The following GOLGA8H variants were observed in gnomAD, a reference collection of about 807,000 sequenced individuals.
GOLGA8H encodes the protein golgin A8 family member H, also known as golgin subfamily A member 8H.
Under a neutral mutation model 82.7 loss-of-function variants are expected in GOLGA8H, and 47 were observed. The ratio of observed to expected loss-of-function variants is 0.57; its 90% CI spans 0.45 to 0.73. The LOEUF is 0.73. Ranked by LOEUF, GOLGA8H falls within the 30% of genes least tolerant of loss-of-function variation. The pLI, the probability that GOLGA8H is intolerant of heterozygous loss-of-function variation, is 0.00. For synonymous variants in GOLGA8H, 108 were observed against 241.6 expected (o/e 0.45, Z 5.13); for missense variants, 372 against 661.0 (o/e 0.56, Z 4.79).
At position 30,604,124 on chromosome 15, in the gene GOLGA8H, C is replaced by T. The variant is rs202193918; in HGVS notation, c.-2C>T. 403 of 1,518,022 alleles carry T rather than the reference C, an allele frequency of 2.7e-4. 2 individuals are homozygous for T. The highest frequency in any genetic ancestry group is 1.3e-3 in the Admixed American group (64 of 49,682). 94.0% of individuals were successfully genotyped at this position (1,518,022 alleles called of 1,614,324 possible). A position where few individuals can be genotyped will look rare whatever the true frequency, so the allele number is the denominator to read the frequency against. ...CAACCCTGCCTCCCTCCCCACCCTG[C>T]GATGGCAGAAGAAACTCAACACAAC... On this transcript the variant is annotated 5_prime_UTR_variant, in exon 1 of 19. Coordinates refer to ENST00000566740, the MANE Select transcript of GOLGA8H (RefSeq NM_001282490.2).
At position 30,609,830 on chromosome 15, in the gene GOLGA8H, A is replaced by T. The variant is rs772580832; in HGVS notation, c.616A>T (p.Thr206Ser). Residue 206 changes from threonine (T) to serine (S), a missense_variant, in exon 9 of 19, where the codon ACG becomes TCG. Physicochemically the swap from Thr to Ser is moderately conservative, Grantham distance 58. Coordinates refer to ENST00000566740, the MANE Select transcript of GOLGA8H (RefSeq NM_001282490.2). ...NQLSSRSKARTEWKLEQSMRE... is the reference protein window; with the variant it reads ...NQLSSRSKARSEWKLEQSMRE... The stretch of plus-strand genomic sequence containing the variant: ...GTTGTCCAGCCGCAGCAAAGCACGT[A>T]CGGAGTGGAAGTTAGAGCAGTCCAT... 3.1e-6 allele frequency: 5 copies of T among 1,591,976 alleles called. No homozygotes were observed. The highest frequency in any genetic ancestry group is 4.3e-6 in the Non-Finnish European group (5 of 1,165,920).
In GOLGA8H at chr15:30,610,059, G is replaced by C; in HGVS notation, c.739G>C (p.Gly247Arg). The C allele has an allele frequency of 2.5e-6, 4 of 1,611,438 alleles. No individual in the cohort carries two copies. Among genetic ancestry groups the C allele is most frequent in the Non-Finnish European group, 3.4e-6 (4 of 1,179,738 alleles). Residue 247 changes from glycine (G) to arginine (R), a missense_variant, in exon 10 of 19, where the codon GGA becomes CGA. Transcript: ENST00000566740. ...ERDECAEHLK[G>R]ERARWQQRMR... is the part of the protein sequence containing the mutation. Reference sequence around the variant, plus strand: ...AGATGAGTGTGCTGAACATCTAAAAGGAGAGAGGGCCCGGTGGCAGCAGAG... The same window carrying C: ...AGATGAGTGTGCTGAACATCTAAAACGAGAGAGGGCCCGGTGGCAGCAGAG...
chr15:30,612,478 G>C (rs1450506502), intron 13 of GOLGA8H, 119 bp from the exon 14 acceptor site: 1 of 1,276,218 alleles, frequency 7.8e-7, no homozygotes, highest in African/African-American at 1.5e-5. Context: ...GCAAAGCGGT[G>C]GCTGAGATGG....
intron 10 of GOLGA8H, 60 bp downstream of exon 10, chr15:30,610,166 C>A (rs1019491425): frequency 3.1e-6 from 5 of 1,605,674 alleles, no homozygotes; most frequent in Non-Finnish European, 4.3e-6. Flanking sequence ...TTCTGGGCAT[C>A]TGTAAAATGG....
At chr15:30,610,266 T>C in intron 10 of GOLGA8H, 36 bp from the exon 11 acceptor site, 1 of 880,344 alleles carries the variant, frequency 1.1e-6, no homozygotes, top group Non-Finnish European at 1.8e-6. Context: ...CTCCAGCCCC[T>C]CTCTCCAAGG....
rs2059896537 is a variant in GOLGA8H, at chr15:30,604,267, A to G, written c.48+94A>G. 7.4e-6 allele frequency: 11 copies of G among 1,485,696 alleles called. No homozygotes were observed. The South Asian group carries it at 1.3e-4, about 18-fold the overall frequency. The allele number at this position is 1,485,696 out of a possible 1,614,324, so 92.0% of individuals were successfully genotyped here. A position where few individuals can be genotyped will look rare whatever the true frequency, so the allele number is the denominator to read the frequency against. On this transcript the variant is annotated intron_variant, in intron 1 of 18. Transcript: ENST00000566740. ...AGAGTCTATACGACTCCTGAGGCACACTGGACTGGTCCCCCCTACCCCGGT... is the reference window on the plus strand; with the variant it reads ...AGAGTCTATACGACTCCTGAGGCACGCTGGACTGGTCCCCCCTACCCCGGT...
rs188845744 is a variant in GOLGA8H, at chr15:30,616,807, G to A, written c.*2246G>A. On this transcript the variant is annotated 3_prime_UTR_variant, in exon 19 of 19. Transcript: ENST00000566740. ...AAATTATTGCAAAGGTACTTTTATC[G>A]TTGAAATCACTTCACTTTTACCCTG... Among the ~76,000 whole-genome samples the A allele has an allele frequency of 1.1e-3, 160 of 150,238 alleles. 4 individuals are homozygous for A. Among genetic ancestry groups the A allele is most frequent in the African/African-American group, 2.2e-3 (91 of 40,578 alleles).
At chr15:30,605,707 T>C (rs1202866133) in intron 1 of GOLGA8H, 136 bp from the exon 2 acceptor site, 10 of 1,451,288 alleles carry the variant, frequency 6.9e-6, no homozygotes, top group Non-Finnish European at 9.2e-6. Flanking sequence ...ACTAAATGAG[T>C]GTGACAACAC....
At chr15:30,609,566 A>T (rs2059983206) in intron 8 of GOLGA8H, among the ~76,000 whole-genome samples, 1 of 150,718 alleles carries the variant, frequency 6.6e-6, no homozygotes, top group African/African-American at 2.5e-5. Flanking sequence ...AATAACAGTA[A>T]TAACAATAGC....
In GOLGA8H at chr15:30,610,119, C is replaced by T; in HGVS notation, c.786+13C>T. ...AATGTCGCAGGAGGTGAGATCTCAC[C>T]CTTCAGCCCCCCCACATTAGATAGG... On this transcript the variant is annotated intron_variant, in intron 10 of 18. Coordinates refer to ENST00000566740, the MANE Select transcript of GOLGA8H (RefSeq NM_001282490.2). 1.2e-6 allele frequency: 2 copies of T among 1,610,336 alleles called. No individual in the cohort carries two copies. The highest frequency in any genetic ancestry group is 1.7e-6 in the Non-Finnish European group (2 of 1,179,226).
At chr15:30,608,222 T>TAACAGG in intron 5 of GOLGA8H, 109 bp from the exon 6 acceptor site, 1 of 1,167,346 alleles carries the variant, frequency 8.6e-7, no homozygotes, top group Non-Finnish European at 1.2e-6. Flanking sequence ...GATAACCTGG[T>TAACAGG]CCCATGGGTG....
chr15:30,616,819 TCA>T lies in GOLGA8H; in HGVS notation c.*2260_*2261del, dbSNP rs2060110116. 6.6e-6 allele frequency: 1 copy of T among 150,732 alleles called. No individual in the cohort carries two copies. The highest frequency in any genetic ancestry group is 2.5e-5 in the African/African-American group (1 of 40,706). 9.3% of individuals were successfully genotyped at this position (150,732 alleles called of 1,614,324 possible). On this transcript the variant is annotated 3_prime_UTR_variant, in exon 19 of 19. Transcript: ENST00000566740. ...AGGTACTTTTATCGTTGAAATCACT[TCA>T]CTTTTACCCTGATAAATATCAGTGA...
rs570682860 is a variant in GOLGA8H at position 30,608,514 on chromosome 15, C to G, written c.444C>G (p.Asp148Glu). ...LNIQKGKLNT[D>E]LYHMKRSLRY... ...TACAGAAAGGGAAACTAAATACGGA[C>G]CTGTACCACATGAAACGTTCTCTCA... Residue 148 changes from aspartate (D) to glutamate (E), a missense_variant, in exon 7 of 19, where the codon GAC becomes GAG. Physicochemically the swap from Asp to Glu is conservative, Grantham distance 45. Transcript: ENST00000566740. 8.2e-5 allele frequency: 132 copies of G among 1,610,918 alleles called. 3 individuals are homozygous for G. The South Asian group carries it at 1.4e-3, about 16-fold the overall frequency.
rs1333182992 is a variant in GOLGA8H, at chr15:30,617,752, A to G, written c.*3191A>G. ...GTAATAAATTATTAAATTGTTTCTAAGTGTTGTTTTTGCCTTAAAATTTTA... is the reference window on the plus strand; with the variant it reads ...GTAATAAATTATTAAATTGTTTCTAGGTGTTGTTTTTGCCTTAAAATTTTA... On this transcript the variant is annotated 3_prime_UTR_variant, in exon 19 of 19. Transcript: ENST00000566740. 1 of 147,298 alleles carries G rather than the reference A, an allele frequency of 6.8e-6. No homozygotes were observed. Among genetic ancestry groups the G allele is most frequent in the East Asian group, 2.1e-4 (1 of 4,768 alleles). 9.1% of individuals were successfully genotyped at this position (147,298 alleles called of 1,614,324 possible).
rs1436059004 is a variant in GOLGA8H at position 30,613,369 on chromosome 15, CA to C, written c.1368+176del. Among the ~76,000 whole-genome samples the C allele has an allele frequency of 2.1e-5, 2 of 93,974 alleles. 1 individual carries two copies. Among genetic ancestry groups the C allele is most frequent in the Non-Finnish European group, 4.3e-5 (2 of 46,154 alleles). 61.7% of individuals were successfully genotyped at this position (93,974 alleles called of 152,430 possible). A position where few individuals can be genotyped will look rare whatever the true frequency, so the allele number is the denominator to read the frequency against. ...CCAACAGGTGCACTCTCTGAGGCTC[CA>C]AGGGAAGGGGCTGCGCTCCACCTCT... On this transcript the variant is annotated intron_variant, in intron 15 of 18. Coordinates refer to ENST00000566740, the MANE Select transcript of GOLGA8H (RefSeq NM_001282490.2).
At chr15:30,608,274 C>T in intron 5 of GOLGA8H, 57 bp from the exon 6 acceptor site, 1 of 1,549,138 alleles carries the variant, frequency 6.5e-7, no homozygotes, top group Non-Finnish European at 8.7e-7. Flanking sequence ...GGGCATGTCT[C>T]TTGCTGTGCC....
chr15:30,605,668 T>TC (rs1428611893), intron 1 of GOLGA8H, among the ~76,000 whole-genome samples, 175 bp from the exon 2 acceptor site: 3 of 151,176 alleles, frequency 2.0e-5, no homozygotes, highest in African/African-American at 7.4e-5. Flanking sequence ...CTTTTTTTTT[T>TC]CTAGCCATGA....
rs780699635 is a variant in GOLGA8H at position 30,610,118 on chromosome 15, C to T, written c.786+12C>T. The T allele has an allele frequency of 1.9e-6, 3 of 1,610,146 alleles. No individual in the cohort carries two copies. Among genetic ancestry groups the T allele is most frequent in the Non-Finnish European group, 2.5e-6 (3 of 1,179,208 alleles). The stretch of plus-strand genomic sequence containing the variant: ...AAATGTCGCAGGAGGTGAGATCTCA[C>T]CCTTCAGCCCCCCCACATTAGATAG... On this transcript the variant is annotated intron_variant, in intron 10 of 18. Transcript: ENST00000566740.
chr15:30,608,756 GGT>G lies in GOLGA8H; in HGVS notation c.591+2_591+3del, dbSNP rs1167581852. ...CCACACAGAAGAAGAAGGCAAACCA[GGT>G]GAGTCCAACCACCTGCCCCATCCCC... On this transcript the variant is annotated splice_donor_variant, in intron 8 of 18. Coordinates refer to ENST00000566740, the MANE Select transcript of GOLGA8H (RefSeq NM_001282490.2). LOFTEE classifies it high-confidence loss of function. 3 of 1,464,298 alleles carry G rather than the reference GGT, an allele frequency of 2.0e-6. 1 individual carries two copies. Among genetic ancestry groups the G allele is most frequent in the Non-Finnish European group, 2.8e-6 (3 of 1,081,710 alleles). The allele number at this position is 1,464,298 out of a possible 1,614,324, so 90.7% of individuals were successfully genotyped here.
Sources: allele counts gnomAD v4.1 joint callset (sites outside exome capture counted in the v4.1 genomes callset), GRCh38; gene constraint gnomAD v4.1.1; transcripts MANE v1.5; gene names NCBI Gene and HGNC (gene_info 2026-07-23, HGNC 2026-07-21).